Variants in MAMLD1 observed in about 807,000 individuals in gnomAD.
The protein encoded by MAMLD1 is mastermind like domain containing 1, also known as mastermind-like domain-containing protein 1.
MAMLD1 carries 14 observed loss-of-function variants against 45.0 expected under a neutral mutation model. The ratio of observed to expected loss-of-function variants is 0.31; its 90% CI spans 0.21 to 0.49. The LOEUF (loss-of-function observed/expected upper bound fraction) is 0.49. MAMLD1 is among the 20% of genes least tolerant of loss of function. The pLI is 0.99. For missense variants in MAMLD1, 543 were observed against 603.6 expected, an observed-to-expected ratio of 0.90 and a Z score of 1.05; for synonymous variants, 254 against 247.8, an observed-to-expected ratio of 1.02 and a Z score of -0.24.
At chrX:150,480,047 ACTCT>A (rs1277643174) in intron 5 of MAMLD1, among the ~76,000 whole-genome samples, 27 of 110,832 alleles carry the variant, frequency 2.4e-4, no homozygotes, top group African/African-American at 8.9e-4. Context: ...TGTGCTTCTG[ACTCT>A]CAGATCCACT....
rs3066915 is a variant in MAMLD1 at position 150,377,819 on chromosome X, TCACACACACACA to T, written c.-64+14316_-64+14327del. On this transcript the variant is annotated intron_variant, in intron 1 of 7. Transcript: ENST00000370401. ...ATTCTATGTTATATCTACCACCCCC[TCACACACACACA>T]CACACACACACACACACACACACAC... 2.2e-4 allele frequency among the ~76,000 whole-genome samples: 20 copies of T among 91,838 alleles called. No homozygotes were observed. In the South Asian group the frequency reaches 0.01, roughly 47 times the overall value. The allele number at this position is 91,838 out of a possible 115,157, so 79.8% of individuals were successfully genotyped here.
chrX:150,451,860 C>G (rs900119503), intron 2 of MAMLD1, among the ~76,000 whole-genome samples: 3 of 111,205 alleles, frequency 2.7e-5, no homozygotes, highest in African/African-American at 9.8e-5. Flanking sequence ...GCTGTCATTG[C>G]CTCCCTCTCT....
intron 2 of MAMLD1, among the ~76,000 whole-genome samples, chrX:150,454,768 C>G (rs112499916): frequency 1.8e-5 from 2 of 110,686 alleles, no homozygotes; most frequent in Admixed American, 1.9e-4. Flanking sequence ...TCCACCACCA[C>G]TACCCTCACC....
At chrX:150,458,967 T>C (rs966299923) in intron 2 of MAMLD1, among the ~76,000 whole-genome samples, 6 of 112,430 alleles carry the variant, frequency 5.3e-5, no homozygotes, top group Non-Finnish European at 1.1e-4. Context: ...AATAATGCTG[T>C]ATTGCATATT....
intron 3 of MAMLD1, among the ~76,000 whole-genome samples, chrX:150,465,752 G>T (rs2036196774): frequency 8.9e-6 from 1 of 112,423 alleles, no homozygotes; most frequent in Non-Finnish European, 1.9e-5. Context: ...GCTACTGATT[G>T]TCACAGGGAG....
chrX:150,481,961 GAAAAAAGA>G (rs1451096624), intron 5 of MAMLD1, among the ~76,000 whole-genome samples: 52 of 58,229 alleles, frequency 8.9e-4, no homozygotes, highest in South Asian at 8.7e-3. Context: ...AAGAAAGAAA[GAAAAAAGA>G]AAGAAAGAAA....
chrX:150,463,678 G>A (rs2036124504), intron 3 of MAMLD1, among the ~76,000 whole-genome samples: 2 of 111,728 alleles, frequency 1.8e-5, no homozygotes, highest in South Asian at 7.6e-4. Context: ...GCCACTCCAG[G>A]CTGCTGCTCA....
chrX:150,418,173 G>GT (rs1297472952), intron 1 of MAMLD1, among the ~76,000 whole-genome samples: 5 of 111,935 alleles, frequency 4.5e-5, no homozygotes, highest in Non-Finnish European at 9.4e-5. Flanking sequence ...TTGGGAGAGT[G>GT]TATGTGTCCA....
intron 5 of MAMLD1, among the ~76,000 whole-genome samples, chrX:150,500,884 A>C (rs925334735): frequency 6.3e-5 from 7 of 111,595 alleles, no homozygotes; most frequent in African/African-American, 1.3e-4. Flanking sequence ...CAAGAGACTG[A>C]ATCTCATCTC....
intron 1 of MAMLD1, among the ~76,000 whole-genome samples, chrX:150,364,955 T>G (rs1219499851): frequency 9.0e-6 from 1 of 111,430 alleles, no homozygotes; most frequent in Non-Finnish European, 1.9e-5. Flanking sequence ...CAGGCGTGGG[T>G]TGCCGCCCGA....
At position 150,401,614 on chromosome X, in the gene MAMLD1, T is replaced by G. The variant is rs1225700760; in HGVS notation, c.-64+38084T>G. Among the ~76,000 whole-genome samples, 7 of 110,787 alleles carry G rather than the reference T, an allele frequency of 6.3e-5. No homozygotes were observed. The South Asian group carries it at 1.6e-3, about 25-fold the overall frequency. On this transcript the variant is annotated intron_variant, in intron 1 of 7. Transcript: ENST00000370401. ...CCAAAAAAGAGCCTGCATCGCCAAG[T>G]CAATCCTAAGCCAAAAGAACAAAGC...
At chrX:150,379,659 T>C (rs1355353659) in intron 1 of MAMLD1, among the ~76,000 whole-genome samples, 7 of 112,532 alleles carry the variant, frequency 6.2e-5, no homozygotes, top group Non-Finnish European at 9.4e-5. Context: ...ACTTCTGTCC[T>C]TTCCACCTCA....
intron 1 of MAMLD1, among the ~76,000 whole-genome samples, chrX:150,382,895 TTTTTTATTTTTTA>T (rs2032709768): frequency 1.0e-4 from 2 of 19,394 alleles, no homozygotes; most frequent in African/African-American, 8.3e-4. Context: ...ATTTTTTTTT[TTTTTTATTTTTTA>T]TTTTTTTTTT....
At chrX:150,495,757 C>T (rs1324501460) in intron 5 of MAMLD1, among the ~76,000 whole-genome samples, 1 of 112,176 alleles carries the variant, frequency 8.9e-6, no homozygotes, top group Non-Finnish European at 1.9e-5. Context: ...GACCATGTCC[C>T]CCCATTCCAC....
At chrX:150,395,361 A>G (rs1293316384) in intron 1 of MAMLD1, among the ~76,000 whole-genome samples, 1 of 111,748 alleles carries the variant, frequency 8.9e-6, no homozygotes, top group African/African-American at 3.3e-5. Context: ...TTTTCCATCT[A>G]TGTTCATGAC....
intron 2 of MAMLD1, among the ~76,000 whole-genome samples, chrX:150,450,211 C>A (rs1203337317): frequency 8.9e-6 from 1 of 112,355 alleles, no homozygotes; most frequent in Non-Finnish European, 1.9e-5. Flanking sequence ...GATGTTCTGA[C>A]CAGCGTTGTC....
At position 150,504,190 on chromosome X, in the gene MAMLD1, A is replaced by G. The variant is rs782210592; in HGVS notation, c.2284+673A>G. On this transcript the variant is annotated intron_variant, in intron 6 of 7. Coordinates refer to ENST00000370401, the MANE Select transcript of MAMLD1 (RefSeq NM_005491.5). Reference sequence around the variant, plus strand: ...AAGGAATGGCTTGACTTGCCCCCAGAGTCGCATCAGTGGTCATGAGAGCAA... The same window carrying G: ...AAGGAATGGCTTGACTTGCCCCCAGGGTCGCATCAGTGGTCATGAGAGCAA... 5.5e-4 allele frequency: 412 copies of G among 752,606 alleles called. 1 individual carries two copies. Among genetic ancestry groups the G allele is most frequent in the Middle Eastern group, 7.4e-4 (1 of 1,345 alleles). The allele number at this position is 752,606 out of a possible 1,213,427, so 62.0% of individuals were successfully genotyped here. A position where few individuals can be genotyped will look rare whatever the true frequency, so the allele number is the denominator to read the frequency against.
intron 2 of MAMLD1, among the ~76,000 whole-genome samples, chrX:150,448,541 A>G (rs782255353): frequency 9.0e-4 from 101 of 112,382 alleles, no homozygotes; most frequent in African/African-American, 3.0e-3. Flanking sequence ...CCTTTTCAGC[A>G]TCTGTTCATT....
At chrX:150,450,288 A>G (rs1408181816) in intron 2 of MAMLD1, among the ~76,000 whole-genome samples, 2 of 112,708 alleles carry the variant, frequency 1.8e-5, no homozygotes, top group Admixed American at 1.9e-4. Flanking sequence ...AGCTGGGAAC[A>G]GAGTGAGTTG....
Sources: allele counts gnomAD v4.1 joint callset (sites outside exome capture counted in the v4.1 genomes callset), GRCh38; gene constraint gnomAD v4.1.1; transcripts MANE v1.5; gene names NCBI Gene and HGNC (gene_info 2026-07-23, HGNC 2026-07-21).